Variants in TGM6 observed in about 807,000 individuals in gnomAD.
TGM6 encodes protein-glutamine gamma-glutamyltransferase 6.
In TGM6, 74 loss-of-function variants were observed where a neutral mutation model predicts 77.5. That is an observed-to-expected ratio of 0.96 (90% CI 0.79 to 1.16). The LOEUF is 1.16. Ranked by LOEUF, TGM6 falls within the 50% of genes most tolerant of loss-of-function variation. The pLI is 0.00. For synonymous variants in TGM6, 383 were observed against 378.9 expected (o/e 1.01, Z -0.12); for missense variants, 968 against 940.2 (o/e 1.03, Z -0.39).
Position 2,403,788 on chromosome 20 carries a change from G to C in TGM6, c.1301G>C (p.Arg434Pro). The C allele has an allele frequency of 6.2e-7, 1 of 1,614,162 alleles. No homozygotes were observed. The highest frequency in any genetic ancestry group is 1.1e-5 in the South Asian group (1 of 91,086). Residue 434 changes from arginine to proline, a missense_variant, in exon 9 of 13, where the codon CGC becomes CCC. By Grantham distance (103) the Arg-to-Pro change is moderately radical. Transcript: ENST00000202625. ...ISTKAVGSDS[R>P]VDITDLYKYP... The stretch of plus-strand genomic sequence containing the variant: ...ACCAAGGCGGTGGGCAGTGACTCCC[G>C]CGTGGACATCACTGACCTCTACAAG...
At chr20:2,412,975 A>G (rs1001960307) in intron 9 of TGM6, among the ~76,000 whole-genome samples, 2 of 152,218 alleles carry the variant, frequency 1.3e-5, no homozygotes, top group Non-Finnish European at 2.9e-5. Flanking sequence ...CAGACTCAAC[A>G]AAATCCTATC....
intron 9 of TGM6, among the ~76,000 whole-genome samples, chr20:2,406,317 C>T (rs2084750070): frequency 6.6e-6 from 1 of 151,914 alleles, no homozygotes; most frequent in South Asian, 2.1e-4. Flanking sequence ...ATGGCAAAAC[C>T]CCATCTCTAT....
At chr20:2,412,221 A>T (rs1276886276) in intron 9 of TGM6, among the ~76,000 whole-genome samples, 2 of 152,250 alleles carry the variant, frequency 1.3e-5, no homozygotes, top group Non-Finnish European at 2.9e-5. Context: ...TAAGTGAAAT[A>T]AGCCAGACAT....
intron 9 of TGM6, among the ~76,000 whole-genome samples, chr20:2,409,012 A>T (rs1301694292): frequency 6.6e-6 from 1 of 152,202 alleles, no homozygotes; most frequent in Non-Finnish European, 1.5e-5. Flanking sequence ...TCCACATTAT[A>T]GCAGCAACAT....
chr20:2,412,698 T>C (rs1296260205), intron 9 of TGM6, among the ~76,000 whole-genome samples: 1 of 151,836 alleles, frequency 6.6e-6, no homozygotes, highest in Non-Finnish European at 1.5e-5. Context: ...GAACACAAGA[T>C]CAATATACAA....
chr20:2,418,769 C>A (rs940224702), intron 10 of TGM6, among the ~76,000 whole-genome samples: 1 of 152,074 alleles, frequency 6.6e-6, no homozygotes, highest in African/African-American at 2.4e-5. Context: ...GACCTTATTC[C>A]AACTGTTTCT....
At chr20:2,391,297 T>C (rs904395860) in intron 1 of TGM6, among the ~76,000 whole-genome samples, 46 of 152,144 alleles carry the variant, frequency 3.0e-4, no homozygotes, top group African/African-American at 1.1e-3. Flanking sequence ...TTATCCCAAA[T>C]CTAATAGCTG....
intron 9 of TGM6, among the ~76,000 whole-genome samples, chr20:2,417,014 G>A (rs1275337413): frequency 6.6e-6 from 1 of 152,070 alleles, no homozygotes; most frequent in Non-Finnish European, 1.5e-5. Flanking sequence ...TATTATCTGA[G>A]GCTTTTGACC....
intron 9 of TGM6, among the ~76,000 whole-genome samples, chr20:2,410,666 TCC>T (rs2084779408): frequency 6.6e-6 from 1 of 152,072 alleles, no homozygotes; most frequent in Admixed American, 6.5e-5. Flanking sequence ...TGATGCTAAC[TCC>T]AGGTAGCTAC....
chr20:2,410,886 C>G (rs2084780652), intron 9 of TGM6, among the ~76,000 whole-genome samples: 1 of 152,132 alleles, frequency 6.6e-6, no homozygotes, highest in Non-Finnish European at 1.5e-5. Flanking sequence ...AAGACACTTT[C>G]TTACCAAAAC....
At chr20:2,400,590 C>T (rs960758974) in intron 7 of TGM6, 146 bp downstream of exon 7, 33 of 1,165,636 alleles carry the variant, frequency 2.8e-5, no homozygotes, top group Non-Finnish European at 3.3e-5. Flanking sequence ...GAGTGAGAGG[C>T]GCCCTGCGGA....
chr20:2,412,918 G>A (rs889628780), intron 9 of TGM6, among the ~76,000 whole-genome samples: 6 of 152,064 alleles, frequency 3.9e-5, no homozygotes, highest in Admixed American at 6.6e-5. Context: ...TTCATTGATC[G>A]AAAGGGTTTA....
chr20:2,407,670 G>T (rs1464588699), intron 9 of TGM6, among the ~76,000 whole-genome samples: 1 of 152,208 alleles, frequency 6.6e-6, no homozygotes, highest in Non-Finnish European at 1.5e-5. Context: ...GGGAGGTTAA[G>T]TAACTTCCCC....
At position 2,389,084 on chromosome 20, in the gene TGM6, G is replaced by A. The variant is rs569101425; in HGVS notation, c.8-5368G>A. ...CCTTTGTAACTGCCTTGACCCATAG[G>A]ATAAGGCGGAGGTGACATTGTGTAA... On this transcript the variant is annotated intron_variant, in intron 1 of 12. Coordinates refer to ENST00000202625, the MANE Select transcript of TGM6 (RefSeq NM_198994.3). 2.0e-5 allele frequency among the ~76,000 whole-genome samples: 3 copies of A among 152,262 alleles called. No homozygotes were observed. The South Asian group carries it at 6.2e-4, about 32-fold the overall frequency.
intron 9 of TGM6, among the ~76,000 whole-genome samples, chr20:2,416,966 A>G (rs2084820488): frequency 6.6e-6 from 1 of 152,344 alleles, no homozygotes; most frequent in Admixed American, 6.5e-5. Context: ...CAAGTGCTAT[A>G]GTACACATAG....
intron 6 of TGM6, 32 bp from the exon 7 acceptor site, chr20:2,400,274 T>G (rs1175049599): frequency 1.2e-6 from 2 of 1,613,390 alleles, no homozygotes; most frequent in African/African-American, 1.3e-5. Flanking sequence ...GGGGCCAGGG[T>G]CCCGCCTGCT....
chr20:2,401,519 CAG>C (rs771838074), intron 7 of TGM6, among the ~76,000 whole-genome samples: 1 of 152,218 alleles, frequency 6.6e-6, no homozygotes, highest in Admixed American at 6.5e-5. Flanking sequence ...CGTAAATACA[CAG>C]AGTTTTCCTT....
chr20:2,396,598 C>G lies in TGM6; in HGVS notation c.517C>G (p.Arg173Gly). The change falls in exon 4 of 13, where the codon CGA (arginine) becomes GGA (glycine). Residue 173 changes from arginine to glycine, a missense_variant. Physicochemically the swap from Arg to Gly is moderately radical, Grantham distance 125 (BLOSUM62 -2). Coordinates refer to ENST00000202625, the MANE Select transcript of TGM6 (RefSeq NM_198994.3). ...CTTCCGAGGCGTGGAGAAGCACATA[C>G]GAGCCCAGGGCTGGAACTACGGGCA... is the stretch of plus-strand genomic sequence containing the variant. ...IIFRGVEKHI[R>G]AQGWNYGQFE... 6.2e-7 allele frequency: 1 copy of G among 1,614,192 alleles called. No homozygotes were observed. The highest frequency in any genetic ancestry group is 8.5e-7 in the Non-Finnish European group (1 of 1,180,020).
intron 4 of TGM6, among the ~76,000 whole-genome samples, chr20:2,396,947 C>T (rs1261584683): frequency 2.6e-5 from 4 of 152,176 alleles, no homozygotes; most frequent in Non-Finnish European, 5.9e-5. Context: ...GACCCCACCC[C>T]CAGAGCTGCC....
Sources: allele counts gnomAD v4.1 joint callset (sites outside exome capture counted in the v4.1 genomes callset), GRCh38; gene constraint gnomAD v4.1.1; transcripts MANE v1.5; gene names NCBI Gene and HGNC (gene_info 2026-07-23, HGNC 2026-07-21).